The following NKAIN3 variants were observed in gnomAD, a reference collection of about 807,000 sequenced individuals.
NKAIN3 encodes sodium/potassium transporting ATPase interacting 3.
NKAIN3 carries 25 observed loss-of-function variants against 30.2 expected under a neutral mutation model. The ratio of observed to expected loss-of-function variants is 0.83; its 90% CI spans 0.60 to 1.16. The LOEUF is 1.16. NKAIN3 is among the 50% of genes most tolerant of loss of function. The pLI, the probability that NKAIN3 is intolerant of heterozygous loss-of-function variation, is 0.00. For synonymous variants in NKAIN3, 91 were observed against 89.6 expected (o/e 1.02, Z -0.09); for missense variants, 225 against 254.1 (o/e 0.89, Z 0.78).
chr8:62,327,853 A>G (rs1815196107), intron 1 of NKAIN3, among the ~76,000 whole-genome samples: 2 of 152,092 alleles, frequency 1.3e-5, no homozygotes, highest in Admixed American at 6.6e-5. Flanking sequence ...CATTGAATCT[A>G]TAGATCATTT....
intron 4 of NKAIN3, among the ~76,000 whole-genome samples, chr8:62,754,956 G>A (rs1816403401): frequency 1.3e-5 from 2 of 152,186 alleles, no homozygotes; most frequent in Admixed American, 1.3e-4. Flanking sequence ...TATCCCAATT[G>A]CTTTTAATTG....
intron 1 of NKAIN3, among the ~76,000 whole-genome samples, chr8:62,431,492 G>A (rs902875509): frequency 2.6e-5 from 4 of 151,770 alleles, no homozygotes; most frequent in African/African-American, 4.8e-5. Context: ...GTATATGACC[G>A]ATAGTAAACC....
chr8:62,769,786 G>C (rs1816957607), intron 4 of NKAIN3, among the ~76,000 whole-genome samples: 1 of 152,178 alleles, frequency 6.6e-6, no homozygotes, highest in Non-Finnish European at 1.5e-5. Context: ...ACAATTAAAA[G>C]AGTATAGGTG....
rs146985253 is a variant in NKAIN3 at position 62,897,468 on chromosome 8, T to C, written c.472-20985T>C. ...AAGTAATCTAGTGGCCTTCAGGACT[T>C]GACACTATCTAAAGAGTCCCAATGG... On this transcript the variant is annotated intron_variant, in intron 4 of 6. Transcript: ENST00000623646. Among the ~76,000 whole-genome samples the C allele has an allele frequency of 1.1e-3, 161 of 152,244 alleles. 1 individual carries two copies. Among genetic ancestry groups the C allele is most frequent in the Admixed American group, 3.3e-3 (51 of 15,290 alleles).
In NKAIN3 at chr8:62,708,217, TG is replaced by T. The variant is rs747807678; in HGVS notation, c.274-38714del. ...TGCTTTGGCTATGCGGGCTCTTTTT[TG>T]ATACCATATGAAGTTTAGAACTGTT... On this transcript the variant is annotated intron_variant, in intron 3 of 6. Transcript: ENST00000623646. Among the ~76,000 whole-genome samples, 17 of 152,278 alleles carry T rather than the reference TG, an allele frequency of 1.1e-4. No homozygotes were observed. The East Asian group carries it at 2.9e-3, about 26-fold the overall frequency.
chr8:62,282,148 CAT>C (rs1813219617), intron 1 of NKAIN3, among the ~76,000 whole-genome samples: 1 of 152,120 alleles, frequency 6.6e-6, no homozygotes, highest in African/African-American at 2.4e-5. Context: ...CTGGGTTTCT[CAT>C]GTGGTCTTCA....
In NKAIN3 at chr8:62,439,431, T is replaced by A. The variant is rs1010667975; in HGVS notation, c.55-140108T>A. 2.6e-5 allele frequency among the ~76,000 whole-genome samples: 4 copies of A among 152,250 alleles called. No homozygotes were observed. The South Asian group carries it at 8.3e-4, about 32-fold the overall frequency. On this transcript the variant is annotated intron_variant, in intron 1 of 6. Transcript: ENST00000623646. ...CTTTTCTGTCTTAAAAAGACCAAAT[T>A]TAGCAGGTGTTTGAGCCTGGAAGCA... is the stretch of plus-strand genomic sequence containing the variant.
chr8:62,722,250 T>C (rs780464294), intron 3 of NKAIN3, among the ~76,000 whole-genome samples: 4 of 152,194 alleles, frequency 2.6e-5, no homozygotes, highest in African/African-American at 4.8e-5. Flanking sequence ...CCTTGCTTCA[T>C]TTAAGGAAAT....
intron 3 of NKAIN3, among the ~76,000 whole-genome samples, chr8:62,621,309 A>G (rs1811612768): frequency 6.6e-6 from 1 of 152,132 alleles, no homozygotes; most frequent in African/African-American, 2.4e-5. Flanking sequence ...ATGGATGATC[A>G]TGACCTCTGC....
At chr8:62,410,345 T>G (rs1230912996) in intron 1 of NKAIN3, among the ~76,000 whole-genome samples, 1 of 152,348 alleles carries the variant, frequency 6.6e-6, no homozygotes, top group African/African-American at 2.4e-5. Flanking sequence ...ACATTTTCTT[T>G]ATCCCATCTA....
chr8:62,656,875 A>C (rs1312361212), intron 3 of NKAIN3, among the ~76,000 whole-genome samples: 2 of 152,346 alleles, frequency 1.3e-5, no homozygotes, highest in Admixed American at 1.3e-4. Context: ...GAACAAGGAA[A>C]GACAATGGAA....
chr8:62,958,101 C>T (rs1823472744), intron 6 of NKAIN3, among the ~76,000 whole-genome samples: 2 of 152,146 alleles, frequency 1.3e-5, no homozygotes, highest in South Asian at 4.2e-4. Context: ...GGCTGATTGG[C>T]TTGGCCGTTC....
At chr8:62,692,115 C>T (rs1035102943) in intron 3 of NKAIN3, among the ~76,000 whole-genome samples, 5 of 152,298 alleles carry the variant, frequency 3.3e-5, no homozygotes, top group Admixed American at 6.5e-5. Context: ...AGAAGGATCT[C>T]AAGGCCACTT....
At position 62,801,572 on chromosome 8, in the gene NKAIN3, G is replaced by A. The variant is rs537302757; in HGVS notation, c.471+54443G>A. On this transcript the variant is annotated intron_variant, in intron 4 of 6. Coordinates refer to ENST00000623646, the MANE Select transcript of NKAIN3 (RefSeq NM_001304533.3). ...CAGCTGAGGGTCCTCTCTGTTAGAA[G>A]GAAAACTAACAAACAGAAAGGACAT... Among the ~76,000 whole-genome samples the A allele has an allele frequency of 2.4e-3, 367 of 152,230 alleles. 1 individual carries two copies. The highest frequency in any genetic ancestry group is 4.4e-3 in the Non-Finnish European group (296 of 68,012).
intron 1 of NKAIN3, among the ~76,000 whole-genome samples, chr8:62,322,803 A>C (rs969013114): frequency 6.6e-6 from 1 of 152,220 alleles, no homozygotes; most frequent in African/African-American, 2.4e-5. Context: ...TAACTGATAA[A>C]GGGCTAGTAT....
At chr8:62,863,395 A>T (rs1365646191) in intron 4 of NKAIN3, 1 of 1,545,928 alleles carries the variant, frequency 6.5e-7, no homozygotes, top group Non-Finnish European at 8.8e-7. Context: ...ACACATCAAG[A>T]TGTTTTGCGG....
chr8:62,342,324 G>A, intron 1 of NKAIN3, among the ~76,000 whole-genome samples: 1 of 151,686 alleles, frequency 6.6e-6, no homozygotes, highest in East Asian at 1.9e-4. Context: ...TGGAAATTTG[G>A]AAGTATATTA....
intron 1 of NKAIN3, among the ~76,000 whole-genome samples, chr8:62,345,374 C>T (rs1240092515): frequency 1.5e-4 from 3 of 20,366 alleles, no homozygotes; most frequent in Non-Finnish European, 4.9e-4. Flanking sequence ...TATATATACA[C>T]ATATATGTAT....
intron 3 of NKAIN3, among the ~76,000 whole-genome samples, chr8:62,655,482 T>C (rs1812738114): frequency 6.6e-6 from 1 of 152,224 alleles, no homozygotes; most frequent in South Asian, 2.1e-4. Flanking sequence ...TATTATAAGC[T>C]TCTGAATTTT....
Sources: gnomAD v4.1 joint callset for allele counts (sites outside exome capture counted in the v4.1 genomes callset) on GRCh38, gnomAD v4.1.1 for gene constraint, MANE v1.5 for transcripts, NCBI Gene and HGNC (gene_info 2026-07-23, HGNC 2026-07-21) for gene names.